The following ESD variants were observed in gnomAD, a reference collection of about 807,000 sequenced individuals.
ESD encodes the protein esterase D.
ESD carries 34 observed loss-of-function variants against 38.1 expected under a neutral mutation model. That is an observed-to-expected ratio of 0.89 (90% confidence interval 0.68 to 1.19). ESD has a LOEUF of 1.19. ESD is among the 50% of genes most tolerant of loss of function. The pLI, the probability that ESD is intolerant of heterozygous loss-of-function variation, is 0.00. For synonymous variants in ESD, 97 were observed against 107.0 expected (o/e 0.91, Z 0.58); for missense variants, 334 against 327.2 (o/e 1.02, Z -0.16).
intron 1 of ESD, among the ~76,000 whole-genome samples, chr13:46,795,582 A>C (rs1875544552): frequency 6.6e-6 from 1 of 152,216 alleles, no homozygotes; most frequent in Non-Finnish European, 1.5e-5. Flanking sequence ...GCTGAGAACC[A>C]GAAAGTCACT....
intron 5 of ESD, 147 bp from the exon 6 acceptor site, chr13:46,782,938 G>A: frequency 1.0e-6 from 1 of 982,646 alleles, no homozygotes; most frequent in South Asian, 1.7e-5. Flanking sequence ...GCACATGATA[G>A]GATTATACTT....
chr13:46,773,828 G>A (rs1874695907), intron 9 of ESD, among the ~76,000 whole-genome samples: 1 of 152,156 alleles, frequency 6.6e-6, no homozygotes, highest in Non-Finnish European at 1.5e-5. Flanking sequence ...ACTAGTCCCA[G>A]CTGGCTAGTT....
intron 9 of ESD, 95 bp downstream of exon 9, chr13:46,777,361 T>C: frequency 9.9e-7 from 1 of 1,014,562 alleles, no homozygotes; most frequent in Non-Finnish European, 1.4e-6. Flanking sequence ...AGAAGTAGCA[T>C]TTTATATTCT....
At position 46,787,164 on chromosome 13, in the gene ESD, G is replaced by A. The variant is rs981063617; in HGVS notation, c.69-55C>T. 3.0e-6 allele frequency: 3 copies of A among 1,010,398 alleles called. No individual in the cohort carries two copies. The Admixed American group carries it at 7.0e-5, about 24-fold the overall frequency. 62.6% of individuals were successfully genotyped at this position (1,010,398 alleles called of 1,614,324 possible). A position where few individuals can be genotyped will look rare whatever the true frequency, so the allele number is the denominator to read the frequency against. On this transcript the variant is annotated intron_variant, in intron 3 of 9. Coordinates refer to ENST00000378720, the MANE Select transcript of ESD (RefSeq NM_001984.2). ...TTAATGCCCCTCATTAATCAATACA[G>A]AAACAAAATAATTATGCACTATATA...
chr13:46,788,232 C>G (rs1185718969), intron 3 of ESD, among the ~76,000 whole-genome samples: 1 of 151,974 alleles, frequency 6.6e-6, no homozygotes, highest in Non-Finnish European at 1.5e-5. Flanking sequence ...TAGACTCCCA[C>G]AAAGGCCCCA....
At chr13:46,792,557 C>T (rs529784450) in intron 2 of ESD, among the ~76,000 whole-genome samples, 1 of 152,120 alleles carries the variant, frequency 6.6e-6, no homozygotes, top group South Asian at 2.1e-4. Flanking sequence ...AGAAGCCCTA[C>T]TCTTAACTGC....
At chr13:46,774,352 T>C (rs1164646494) in intron 9 of ESD, among the ~76,000 whole-genome samples, 3 of 152,192 alleles carry the variant, frequency 2.0e-5, no homozygotes, top group African/African-American at 4.8e-5. Flanking sequence ...ATTTGAACAA[T>C]TGGTATCCTG....
intron 3 of ESD, chr13:46,790,716 AT>A (rs1287120203): frequency 1.3e-5 from 2 of 152,082 alleles, no homozygotes; most frequent in Non-Finnish European, 2.9e-5. Flanking sequence ...TTTTATCCTT[AT>A]TTTCAGGGGT....
chr13:46,779,864 A>G, intron 8 of ESD, 71 bp downstream of exon 8: 1 of 1,168,506 alleles, frequency 8.6e-7, no homozygotes, highest in Non-Finnish European at 1.2e-6. Flanking sequence ...GTAGGAATAT[A>G]ATATATGTCC....
At chr13:46,787,198 G>T in intron 3 of ESD, 89 bp from the exon 4 acceptor site, 1 of 651,214 alleles carries the variant, frequency 1.5e-6, no homozygotes, top group Non-Finnish European at 2.4e-6. Context: ...TAAAAAGTAA[G>T]ATATATACTA....
At chr13:46,793,615 T>C (rs1422232260) in intron 1 of ESD, among the ~76,000 whole-genome samples, 171 bp from the exon 2 acceptor site, 2 of 152,228 alleles carry the variant, frequency 1.3e-5, no homozygotes, top group Non-Finnish European at 2.9e-5. Context: ...TAATTGCCCA[T>C]AATCTAATTA....
intron 1 of ESD, among the ~76,000 whole-genome samples, chr13:46,795,753 CTTCT>C (rs1188182251): frequency 2.1e-4 from 30 of 144,776 alleles, no homozygotes; most frequent in Middle Eastern, 3.6e-3. Flanking sequence ...TCTTTTTTTT[CTTCT>C]TTTTTTTTTT....
In ESD at chr13:46,784,190, A is replaced by G. The variant is rs555610697; in HGVS notation, c.256+62T>C. The G allele has an allele frequency of 4.6e-6, 6 of 1,293,316 alleles. No homozygotes were observed. The African/African-American group carries it at 6.0e-5, about 13-fold the overall frequency. The allele number at this position is 1,293,316 out of a possible 1,614,324, so 80.1% of individuals were successfully genotyped here. ...AATTGTATAATGTATATATCATACC[A>G]CTTTATACCAGTCTTAAAGATTTAG... On this transcript the variant is annotated intron_variant, in intron 5 of 9. Transcript: ENST00000378720.
At position 46,787,010 on chromosome 13, in the gene ESD, A is replaced by AT; in HGVS notation, c.157+10dup. 6.9e-7 allele frequency: 1 copy of AT among 1,456,752 alleles called. No homozygotes were observed. The highest frequency in any genetic ancestry group is 1.4e-5 in the African/African-American group (1 of 70,990). 90.2% of individuals were successfully genotyped at this position (1,456,752 alleles called of 1,614,324 possible). On this transcript the variant is annotated intron_variant, in intron 4 of 9. Coordinates refer to ENST00000378720, the MANE Select transcript of ESD (RefSeq NM_001984.2). ...AAACGACTTTATAAAACTCAAATGCATAATACTTACCTGAGAGCCAATACA... is the reference window on the plus strand; with the variant it reads ...AAACGACTTTATAAAACTCAAATGCATTAATACTTACCTGAGAGCCAATACA...
intron 3 of ESD, 50 bp from the exon 4 acceptor site, chr13:46,787,159 A>T: frequency 1.9e-6 from 2 of 1,051,586 alleles, no homozygotes; most frequent in Non-Finnish European, 2.8e-6. Flanking sequence ...TCATTAATCA[A>T]TACAGAAACA....
intron 9 of ESD, among the ~76,000 whole-genome samples, chr13:46,774,877 G>T (rs1416581694): frequency 6.6e-6 from 1 of 152,166 alleles, no homozygotes; most frequent in African/African-American, 2.4e-5. Context: ...ATGAATGAGA[G>T]AGCTCTACAT....
At chr13:46,781,834 C>T (rs558715485) in intron 6 of ESD, among the ~76,000 whole-genome samples, 3 of 151,704 alleles carry the variant, frequency 2.0e-5, no homozygotes, top group Non-Finnish European at 2.9e-5. Context: ...TTAGAAAACA[C>T]TTTAGGAAGG....
At chr13:46,792,619 C>G (rs1875436784) in intron 2 of ESD, among the ~76,000 whole-genome samples, 1 of 151,934 alleles carries the variant, frequency 6.6e-6, no homozygotes. Context: ...TTTTAAGACA[C>G]TTTAAGATAA....
intron 1 of ESD, among the ~76,000 whole-genome samples, chr13:46,795,595 A>G (rs1875545036): frequency 6.6e-6 from 1 of 152,210 alleles, no homozygotes; most frequent in Non-Finnish European, 1.5e-5. Flanking sequence ...AAGTCACTGA[A>G]ATGGAAGACC....
Sources: gnomAD v4.1 joint callset for allele counts (sites outside exome capture counted in the v4.1 genomes callset) on GRCh38, gnomAD v4.1.1 for gene constraint, MANE v1.5 for transcripts, NCBI Gene and HGNC (gene_info 2026-07-23, HGNC 2026-07-21) for gene names.